TPP2: variants seen among roughly 807,000 people sequenced by gnomAD.
TPP2 encodes the protein tripeptidyl-peptidase 2.
Under a neutral mutation model 155.9 loss-of-function variants are expected in TPP2, and 34 were observed. The observed-to-expected ratio is 0.22, with a 90% CI of 0.17 to 0.29. The LOEUF (loss-of-function observed/expected upper bound fraction) is 0.29. TPP2 is among the 10% of genes least tolerant of loss of function. TPP2 has a pLI of 1.00. For missense variants in TPP2, 1,028 were observed against 1,522.3 expected, an observed-to-expected ratio of 0.68 and a Z score of 5.40; for synonymous variants, 510 against 529.4, an observed-to-expected ratio of 0.96 and a Z score of 0.50.
chr13:102,664,830 G>A lies in TPP2; in HGVS notation c.3276G>A (p.Ala1092=), dbSNP rs961666776. The part of the protein sequence containing the change: ...RMKRLNEIVD[A]ANAVISHIDQ... ...AAAGACTTAATGAAATTGTTGATGC[G>A]GCAAATGCTGTTATTTCTCATATAG... Residue 1092 remains alanine, a synonymous_variant, in exon 27 of 30, where the codon GCG becomes GCA. Coordinates refer to ENST00000376052, the MANE Select transcript of TPP2 (RefSeq NM_001330588.2). 6.2e-6 allele frequency: 10 copies of A among 1,612,990 alleles called. No individual in the cohort carries two copies. The highest frequency in any genetic ancestry group is 2.2e-5 in the South Asian group (2 of 91,016).
intron 2 of TPP2, among the ~76,000 whole-genome samples, chr13:102,613,753 G>A (rs566709289): frequency 3.3e-5 from 5 of 152,196 alleles, no homozygotes; most frequent in South Asian, 2.1e-4. Context: ...TGTTTGCATC[G>A]CTCTACTAAA....
chr13:102,660,101 G>A (rs1884108643), intron 25 of TPP2, among the ~76,000 whole-genome samples: 1 of 151,830 alleles, frequency 6.6e-6, no homozygotes, highest in African/African-American at 2.4e-5. Flanking sequence ...TAACATTTCT[G>A]TATCTCACTG....
At chr13:102,673,143 C>T (rs1423011235) in intron 27 of TPP2, among the ~76,000 whole-genome samples, 7 of 152,298 alleles carry the variant, frequency 4.6e-5, no homozygotes, top group Middle Eastern at 3.4e-3. Flanking sequence ...TGGTACTTAG[C>T]GTTCATGTTC....
chr13:102,618,682 A>T, intron 4 of TPP2, 40 bp from the exon 5 acceptor site: 1 of 1,605,388 alleles, frequency 6.2e-7, no homozygotes, highest in Non-Finnish European at 8.5e-7. Context: ...TTTTAGAAGG[A>T]CAGAATGTAC....
At chr13:102,655,363 G>A (rs2167092) in intron 24 of TPP2, among the ~76,000 whole-genome samples, 6,119 of 152,016 alleles carry the variant, frequency 0.04, 188 homozygotes, top group Non-Finnish European at 0.058. Context: ...ATGTCTTTTT[G>A]GGAACATTTG....
chr13:102,672,259 G>A (rs774890298), intron 27 of TPP2, among the ~76,000 whole-genome samples: 3 of 152,136 alleles, frequency 2.0e-5, no homozygotes, highest in Non-Finnish European at 4.4e-5. Context: ...ATTTAGTACA[G>A]AATTAATGAC....
intron 17 of TPP2, among the ~76,000 whole-genome samples, chr13:102,643,708 A>C (rs905253751): frequency 2.0e-5 from 3 of 152,160 alleles, no homozygotes; most frequent in African/African-American, 7.2e-5. Context: ...TTTGCTTGTC[A>C]CTTAACTTAT....
intron 29 of TPP2, among the ~76,000 whole-genome samples, chr13:102,677,287 G>A (rs1188082117): frequency 1.3e-5 from 2 of 152,118 alleles, no homozygotes; most frequent in African/African-American, 2.4e-5. Context: ...AATCTGATCC[G>A]TGAGCACTTA....
At chr13:102,643,494 T>TA (rs1459213231) in intron 17 of TPP2, 118 bp downstream of exon 17, 3 of 1,040,016 alleles carry the variant, frequency 2.9e-6, no homozygotes, top group East Asian at 3.2e-5. Flanking sequence ...GGATTATATA[T>TA]TTTTTTAATG....
At chr13:102,635,532 G>T in intron 11 of TPP2, 55 bp from the exon 12 acceptor site, 1 of 1,320,754 alleles carries the variant, frequency 7.6e-7, no homozygotes, top group Non-Finnish European at 1.1e-6. Flanking sequence ...CTGGTGGGCG[G>T]CTAAGGTTTC....
At chr13:102,667,945 T>G (rs1328503125) in intron 27 of TPP2, 1 of 371,192 alleles carries the variant, frequency 2.7e-6, no homozygotes, top group African/African-American at 2.2e-5. Flanking sequence ...GAGTTAGCAG[T>G]CCCCCTGAGC....
At chr13:102,616,909 T>C (rs1880775728) in intron 4 of TPP2, among the ~76,000 whole-genome samples, 2 of 143,190 alleles carry the variant, frequency 1.4e-5, no homozygotes, top group Non-Finnish European at 3.0e-5. Context: ...GTTTTGTTTT[T>C]TGTTTTTTGT....
Position 102,614,945 on chromosome 13 carries a change from C to A in TPP2, c.390+749C>A, listed in dbSNP as rs79381474. On this transcript the variant is annotated intron_variant, in intron 3 of 29. Transcript: ENST00000376052. ...AATAGTGTCATGTGGCTAGTGACTA[C>A]CGTTTTAAGAATGCTGATACAAGTA... 8.9e-3 allele frequency among the ~76,000 whole-genome samples: 1,355 copies of A among 152,124 alleles called. 20 individuals carry two copies. The highest frequency in any genetic ancestry group is 0.031 in the African/African-American group (1,281 of 41,474).
At chr13:102,644,794 G>A (rs750273980) in intron 18 of TPP2, 115 bp from the exon 19 acceptor site, 27 of 1,409,602 alleles carry the variant, frequency 1.9e-5, no homozygotes, top group Middle Eastern at 1.8e-4. Flanking sequence ...GAAGATAGCA[G>A]TAGGCTTTGT....
chr13:102,653,517 C>T (rs2139561744), intron 24 of TPP2, among the ~76,000 whole-genome samples: 1 of 152,226 alleles, frequency 6.6e-6, no homozygotes, highest in African/African-American at 2.4e-5. Context: ...CTCAGCCTCC[C>T]TAGAGTGGCT....
intron 27 of TPP2, 41 bp downstream of exon 27, chr13:102,664,966 T>C: frequency 1.2e-6 from 2 of 1,602,754 alleles, no homozygotes; most frequent in Non-Finnish European, 1.7e-6. Flanking sequence ...TCTCATTTCC[T>C]AGTTAACTTG....
rs372698669 is a variant in TPP2 at position 102,678,456 on chromosome 13, A to G, written c.*140A>G. ...ATTATTAAAATGACATGTATTTATC[A>G]GAGAATTCACTGACGTGTGGCTTAA... On this transcript the variant is annotated 3_prime_UTR_variant, in exon 30 of 30. Transcript: ENST00000376052. The G allele has an allele frequency of 1.5e-6, 1 of 669,570 alleles. No homozygotes were observed. 41.5% of individuals were successfully genotyped at this position (669,570 alleles called of 1,614,324 possible).
intron 2 of TPP2, among the ~76,000 whole-genome samples, chr13:102,610,035 G>C (rs1436044941): frequency 1.3e-5 from 2 of 152,032 alleles, no homozygotes; most frequent in Non-Finnish European, 2.9e-5. Flanking sequence ...TCACACACAT[G>C]TTCAGTTTAA....
At position 102,634,289 on chromosome 13, in the gene TPP2, C is replaced by T. The variant is rs536646351; in HGVS notation, c.1393+191C>T. 4.6e-5 allele frequency among the ~76,000 whole-genome samples: 7 copies of T among 152,162 alleles called. 1 individual carries two copies. Among genetic ancestry groups the T allele is most frequent in the Admixed American group, 6.5e-5 (1 of 15,278 alleles). ...TTCAGCAGTATATTTGTTGGCTGTC[C>T]GCTGTTAACGACTGTCAAGCAGTAT... is the stretch of plus-strand genomic sequence containing the variant. On this transcript the variant is annotated intron_variant, in intron 11 of 29. Transcript: ENST00000376052.
Sources: gnomAD v4.1 joint callset for allele counts (sites outside exome capture counted in the v4.1 genomes callset) on GRCh38, gnomAD v4.1.1 for gene constraint, MANE v1.5 for transcripts, NCBI Gene and HGNC (gene_info 2026-07-23, HGNC 2026-07-21) for gene names.